The following SOBP variants were observed in gnomAD, a reference collection of about 807,000 sequenced individuals.
SOBP encodes the protein sine oculis-binding protein homolog.
Under a neutral mutation model 53.6 loss-of-function variants are expected in SOBP, and 4 were observed. That is an observed-to-expected ratio of 0.07 (90% CI 0.04 to 0.17). The LOEUF (loss-of-function observed/expected upper bound fraction) is 0.17. SOBP is among the 10% of genes least tolerant of loss of function. SOBP has a pLI of 1.00. For missense variants in SOBP, 1,088 were observed against 1,204.7 expected (o/e 0.90, Z 1.43); for synonymous variants, 584 against 522.6 (o/e 1.12, Z -1.60).
At chr6:107,585,430 A>G (rs1014084216) in intron 4 of SOBP, among the ~76,000 whole-genome samples, 2 of 152,224 alleles carry the variant, frequency 1.3e-5, no homozygotes, top group Admixed American at 6.5e-5. Flanking sequence ...TTTGAGCTAT[A>G]TTAATTTAAA....
intron 3 of SOBP, among the ~76,000 whole-genome samples, chr6:107,524,192 G>T (rs1438177133): frequency 6.6e-6 from 1 of 152,192 alleles, no homozygotes; most frequent in East Asian, 1.9e-4. Context: ...GCCCCTCTAG[G>T]CAGGGCAAGG....
intron 5 of SOBP, among the ~76,000 whole-genome samples, chr6:107,599,657 C>T (rs1682005281): frequency 6.7e-6 from 1 of 148,976 alleles, no homozygotes; most frequent in Non-Finnish European, 1.5e-5. Flanking sequence ...TTCTTAAAAT[C>T]CTACATTTCT....
chr6:107,490,644 C>G lies in SOBP; in HGVS notation c.28C>G (p.Pro10Ala), dbSNP rs757358901. MAEMEKEGR[P>A]PENKRSRKPA... ...GGCAGAAATGGAGAAAGAAGGGAGA[C>G]CTCCCGAAAATAAACGGAGCAGGAA... The change falls in exon 1 of 7, where the codon CCT (proline) becomes GCT (alanine). Residue 10 changes from proline to alanine, a missense_variant. Around this residue, in one of 6 missense-constraint regions of SOBP, gnomAD observed 37 missense variants for 37.8 expected, o/e 0.98. Coordinates refer to ENST00000317357, the MANE Select transcript of SOBP (RefSeq NM_018013.4). 1 of 1,607,738 alleles carries G rather than the reference C, an allele frequency of 6.2e-7. No homozygotes were observed.
chr6:107,607,068 A>G (rs1431189919), intron 5 of SOBP, among the ~76,000 whole-genome samples: 4 of 152,222 alleles, frequency 2.6e-5, no homozygotes, highest in African/African-American at 4.8e-5. Flanking sequence ...CCTTAAGTCC[A>G]GTCCCAGGGA....
intron 4 of SOBP, among the ~76,000 whole-genome samples, chr6:107,572,705 T>C (rs1785108907): frequency 6.6e-6 from 1 of 152,236 alleles, no homozygotes; most frequent in Non-Finnish European, 1.5e-5. Flanking sequence ...TTGGTGAGGT[T>C]ACTCAGTGTG....
At chr6:107,588,931 ATAAG>A (rs1489980301) in intron 5 of SOBP, among the ~76,000 whole-genome samples, 1 of 152,234 alleles carries the variant, frequency 6.6e-6, no homozygotes, top group Non-Finnish European at 1.5e-5. Flanking sequence ...AAAAGAAAAC[ATAAG>A]TAAGCTTATT....
intron 3 of SOBP, chr6:107,514,368 A>G (rs900187493): frequency 6.6e-6 from 1 of 152,192 alleles, no homozygotes; most frequent in Admixed American, 6.5e-5. Context: ...GTTGAGGGGA[A>G]ATGGCACCTG....
intron 5 of SOBP, among the ~76,000 whole-genome samples, chr6:107,630,239 G>A (rs1454027624): frequency 2.6e-5 from 4 of 151,994 alleles, no homozygotes; most frequent in African/African-American, 9.7e-5. Context: ...GGCATAATGA[G>A]GAAAAAATAA....
rs149973493 is a variant in SOBP, at chr6:107,626,667, G to A, written c.670-6847G>A. Among the ~76,000 whole-genome samples, 3 of 152,270 alleles carry A rather than the reference G, an allele frequency of 2.0e-5. No individual in the cohort carries two copies. The East Asian group carries it at 5.8e-4, about 29-fold the overall frequency. On this transcript the variant is annotated intron_variant, in intron 5 of 6. Transcript: ENST00000317357. Reference sequence around the variant, plus strand: ...GATTATGTGATGGCAAATTTTTCAGGGCAGAGAGTAGTTGTGATACTTGGA... The same window carrying A: ...GATTATGTGATGGCAAATTTTTCAGAGCAGAGAGTAGTTGTGATACTTGGA...
intron 6 of SOBP, among the ~76,000 whole-genome samples, chr6:107,638,501 G>A (rs188409423): frequency 2.0e-5 from 3 of 152,294 alleles, no homozygotes; most frequent in African/African-American, 7.2e-5. Flanking sequence ...GTGAGCCAAC[G>A]TGCCCAGGCC....
At chr6:107,506,572 A>G (rs886428571) in intron 3 of SOBP, 145 bp downstream of exon 3, 2 of 846,296 alleles carry the variant, frequency 2.4e-6, no homozygotes, top group Non-Finnish European at 3.8e-6. Flanking sequence ...TACAGGCATC[A>G]CTTAGAGTAT....
At chr6:107,551,797 G>C (rs142618543) in intron 4 of SOBP, among the ~76,000 whole-genome samples, 1 of 152,262 alleles carries the variant, frequency 6.6e-6, no homozygotes, top group Non-Finnish European at 1.5e-5. Flanking sequence ...GAAGCAGGTG[G>C]ATCACTTGGG....
At position 107,634,868 on chromosome 6, in the gene SOBP, A is replaced by G; in HGVS notation, c.2024A>G (p.His675Arg). ...HNVIHRALHA[H>R]VKAEREPSAA... ...GTGATCCACCGCGCGCTGCACGCGCACGTCAAGGCGGAGCGCGAGCCGAGC... is the reference window on the plus strand; with the variant it reads ...GTGATCCACCGCGCGCTGCACGCGCGCGTCAAGGCGGAGCGCGAGCCGAGC... The change falls in exon 6 of 7, where the codon CAC (histidine) becomes CGC (arginine). Residue 675 changes from histidine to arginine, a missense_variant. Physicochemically the swap from His to Arg is conservative, Grantham distance 29. Transcript: ENST00000317357. This position sits in a 1 kb window ranked among gnomAD's most constrained non-coding sequence, Gnocchi z 4.5. The G allele has an allele frequency of 7.3e-7, 1 of 1,360,758 alleles. No individual in the cohort carries two copies. The highest frequency in any genetic ancestry group is 9.5e-7 in the Non-Finnish European group (1 of 1,048,996). 84.3% of individuals were successfully genotyped at this position (1,360,758 alleles called of 1,614,324 possible).
chr6:107,594,260 T>C (rs899111356), intron 5 of SOBP, among the ~76,000 whole-genome samples: 1 of 152,186 alleles, frequency 6.6e-6, no homozygotes, highest in Admixed American at 6.5e-5. Flanking sequence ...TTTAGAACAG[T>C]ATTTGGTAAA....
At chr6:107,590,772 T>G (rs1014568271) in intron 5 of SOBP, among the ~76,000 whole-genome samples, 1 of 152,204 alleles carries the variant, frequency 6.6e-6, no homozygotes, top group Non-Finnish European at 1.5e-5. Flanking sequence ...CTTAGGCTAT[T>G]TTTCTGTGGG....
chr6:107,626,529 T>G (rs1400329125), intron 5 of SOBP, among the ~76,000 whole-genome samples: 1 of 152,228 alleles, frequency 6.6e-6, no homozygotes, highest in East Asian at 1.9e-4. Context: ...CTGGGGCAGA[T>G]TCTACCTCAT....
At chr6:107,621,536 C>T (rs1237530889) in intron 5 of SOBP, among the ~76,000 whole-genome samples, 3 of 152,136 alleles carry the variant, frequency 2.0e-5, no homozygotes, top group African/African-American at 7.2e-5. Flanking sequence ...AGGAAATTGC[C>T]ACTAAGCAGT....
chr6:107,497,948 G>A (rs907487096), intron 1 of SOBP, among the ~76,000 whole-genome samples: 5 of 152,144 alleles, frequency 3.3e-5, no homozygotes, highest in East Asian at 1.9e-4. Flanking sequence ...AACAGTTGTA[G>A]CAATTTAAAT....
At chr6:107,500,946 CTCTT>C (rs1440732199) in intron 1 of SOBP, among the ~76,000 whole-genome samples, 2 of 152,174 alleles carry the variant, frequency 1.3e-5, no homozygotes, top group African/African-American at 4.8e-5. Context: ...TTCGTTTTCT[CTCTT>C]TCATCTTGCC....
Sources: allele counts gnomAD v4.1 joint callset (sites outside exome capture counted in the v4.1 genomes callset), GRCh38; gene constraint gnomAD v4.1.1; regional missense constraint gnomAD v4.1.1; non-coding constraint Gnocchi (gnomAD v3.1); transcripts MANE v1.5; gene names NCBI Gene and HGNC (gene_info 2026-07-23, HGNC 2026-07-21).